The following PRTFDC1 variants were observed in gnomAD, a reference collection of about 807,000 sequenced individuals.
The protein encoded by PRTFDC1 is phosphoribosyltransferase domain-containing protein 1.
In PRTFDC1, 38 loss-of-function variants were observed where a neutral mutation model predicts 34.6. That is an observed-to-expected ratio of 1.10 (90% CI 0.85 to 1.44). The LOEUF (loss-of-function observed/expected upper bound fraction) is 1.44, where lower values mean the gene tolerates loss of function less well. Ranked by LOEUF, PRTFDC1 falls within the 40% of genes most tolerant of loss-of-function variation. PRTFDC1 has a pLI of 0.00. For missense variants in PRTFDC1, 270 were observed against 283.0 expected, an observed-to-expected ratio of 0.95 and a Z score of 0.33; for synonymous variants, 93 against 98.1, an observed-to-expected ratio of 0.95 and a Z score of 0.31.
intron 3 of PRTFDC1, among the ~76,000 whole-genome samples, chr10:24,923,924 C>T (rs1310829649): frequency 1.3e-5 from 2 of 152,138 alleles, no homozygotes; most frequent in Non-Finnish European, 1.5e-5. Flanking sequence ...AGATAAATGG[C>T]TAACTAGAAT....
intron 7 of PRTFDC1, among the ~76,000 whole-genome samples, chr10:24,853,108 GA>G (rs1373203955): frequency 6.6e-6 from 1 of 152,042 alleles, no homozygotes; most frequent in Non-Finnish European, 1.5e-5. Context: ...GAGGAGAAAA[GA>G]AAGAATCAAT....
chr10:24,880,813 C>CTTTCTTTCTTTCTTTCTT lies in PRTFDC1; in HGVS notation c.340-8751_340-8750insAAGAAAGAAAGAAAGAAA, dbSNP rs763527548. Among the ~76,000 whole-genome samples, 4 of 115,016 alleles carry CTTTCTTTCTTTCTTTCTT rather than the reference C, an allele frequency of 3.5e-5. No homozygotes were observed. The Admixed American group carries it at 3.7e-4, about 11-fold the overall frequency. 75.5% of individuals were successfully genotyped at this position (115,016 alleles called of 152,430 possible). ...TCCATCATTCCACTTTACTGTCTTT[C>CTTTCTTTCTTTCTTTCTT]TCTTTCTTTCTTTCTTTCTTTCTTT... On this transcript the variant is annotated intron_variant, in intron 3 of 8. Coordinates refer to ENST00000320152, the MANE Select transcript of PRTFDC1 (RefSeq NM_020200.7).
At chr10:24,899,598 G>A (rs1848419618) in intron 3 of PRTFDC1, among the ~76,000 whole-genome samples, 1 of 152,140 alleles carries the variant, frequency 6.6e-6, no homozygotes, top group Non-Finnish European at 1.5e-5. Flanking sequence ...AGCATTTCTA[G>A]AGCATACTGA....
chr10:24,898,993 A>T (rs1266316572), intron 3 of PRTFDC1, among the ~76,000 whole-genome samples: 1 of 152,102 alleles, frequency 6.6e-6, no homozygotes, highest in Admixed American at 6.5e-5. Flanking sequence ...CCTCACCAGA[A>T]CCCAGCCATG....
At chr10:24,895,687 GGA>G (rs1491453696) in intron 3 of PRTFDC1, among the ~76,000 whole-genome samples, 1 of 30,834 alleles carries the variant, frequency 3.2e-5, no homozygotes, top group African/African-American at 1.2e-4. Context: ...GAGCTGGGGT[GGA>G]TATATATATA....
intron 3 of PRTFDC1, among the ~76,000 whole-genome samples, chr10:24,904,481 G>C (rs1194344495): frequency 6.6e-6 from 1 of 152,118 alleles, no homozygotes; most frequent in Non-Finnish European, 1.5e-5. Context: ...GCAAGTCTTC[G>C]AGTAGGTGTG....
chr10:24,856,756 G>T (rs1327214580), intron 6 of PRTFDC1, among the ~76,000 whole-genome samples, 157 bp downstream of exon 6: 1 of 152,158 alleles, frequency 6.6e-6, no homozygotes, highest in Non-Finnish European at 1.5e-5. Context: ...TAGCAGTCAA[G>T]GGCTGTTTTT....
At chr10:24,850,139 T>C (rs1475529139) in intron 8 of PRTFDC1, among the ~76,000 whole-genome samples, 2 of 152,120 alleles carry the variant, frequency 1.3e-5, no homozygotes, top group African/African-American at 2.4e-5. Flanking sequence ...AACCCAGAAA[T>C]GCTGAGGGAG....
intron 3 of PRTFDC1, among the ~76,000 whole-genome samples, chr10:24,896,382 T>C (rs1590562): frequency 0.1 from 15,697 of 152,204 alleles, 1,111 homozygotes; most frequent in East Asian, 0.29. Flanking sequence ...AACCCTTCCC[T>C]AGTCCATGGA....
intron 3 of PRTFDC1, among the ~76,000 whole-genome samples, chr10:24,895,687 G>GTATA (rs1565269461): frequency 3.1e-3 from 94 of 30,816 alleles, no homozygotes; most frequent in African/African-American, 9.6e-3. Flanking sequence ...GAGCTGGGGT[G>GTATA]GATATATATA....
intron 3 of PRTFDC1, among the ~76,000 whole-genome samples, chr10:24,899,558 C>T (rs1465315566): frequency 1.3e-5 from 2 of 152,114 alleles, no homozygotes; most frequent in African/African-American, 2.4e-5. Flanking sequence ...TGGGAAATAA[C>T]AATTTACCCA....
chr10:24,937,242 C>T lies in PRTFDC1; in HGVS notation c.281G>A (p.Arg94Gln), dbSNP rs376854848. ...DLVEHLKNIS[R>Q]NSDRFVSMKV... ...CATTGAGACAAATCGATCTGAATTT[C>T]GGCTGATGTTCTTAAGGTGTTCTAC... Residue 94 changes from arginine to glutamine, a missense_variant, in exon 3 of 9, where the codon CGA becomes CAA. Physicochemically the swap from Arg to Gln is conservative, Grantham distance 43. Coordinates refer to ENST00000320152, the MANE Select transcript of PRTFDC1 (RefSeq NM_020200.7). The T allele has an allele frequency of 1.0e-4, 169 of 1,613,764 alleles. No homozygotes were observed. Among genetic ancestry groups the T allele is most frequent in the Admixed American group, 4.8e-4 (29 of 59,976 alleles).
Position 24,858,304 on chromosome 10 carries a change from T to C in PRTFDC1, c.423+88A>G, listed in dbSNP as rs1180413014. On this transcript the variant is annotated intron_variant, in intron 5 of 8. Transcript: ENST00000320152. ...ACCCAGTGGGAGCTCAAGAAATCCT[T>C]GGTCAATTTGATAACAAGGTTTACC... is the stretch of plus-strand genomic sequence containing the variant. The C allele has an allele frequency of 3.4e-6, 5 of 1,455,872 alleles. No homozygotes were observed. The South Asian group carries it at 4.7e-5, about 14-fold the overall frequency. The allele number at this position is 1,455,872 out of a possible 1,614,324, so 90.2% of individuals were successfully genotyped here.
intron 3 of PRTFDC1, among the ~76,000 whole-genome samples, chr10:24,874,812 A>G (rs1847934497): frequency 6.6e-6 from 1 of 152,168 alleles, no homozygotes; most frequent in Non-Finnish European, 1.5e-5. Flanking sequence ...CTCATCTTGA[A>G]CTGTAGTTCT....
chr10:24,948,045 A>G (rs1307521134), intron 1 of PRTFDC1, among the ~76,000 whole-genome samples: 1 of 152,194 alleles, frequency 6.6e-6, no homozygotes, highest in Non-Finnish European at 1.5e-5. Flanking sequence ...TTTGCCCCAC[A>G]GAAGGAAAAC....
At chr10:24,865,767 A>G (rs1408133869) in intron 4 of PRTFDC1, among the ~76,000 whole-genome samples, 1 of 152,248 alleles carries the variant, frequency 6.6e-6, no homozygotes, top group African/African-American at 2.4e-5. Flanking sequence ...TCTCATCTGC[A>G]GCAGTGTAGT....
chr10:24,896,892 T>C (rs907118744), intron 3 of PRTFDC1, among the ~76,000 whole-genome samples: 2 of 152,174 alleles, frequency 1.3e-5, no homozygotes, highest in East Asian at 1.9e-4. Context: ...CTGGACAACA[T>C]AGCAAGACCC....
intron 1 of PRTFDC1, among the ~76,000 whole-genome samples, chr10:24,949,388 C>T (rs931918028): frequency 6.6e-6 from 1 of 152,068 alleles, no homozygotes; most frequent in African/African-American, 2.4e-5. Context: ...CAGCCACCTG[C>T]CCCTTTTTAA....
At chr10:24,909,809 C>A (rs1448833455) in intron 3 of PRTFDC1, among the ~76,000 whole-genome samples, 1 of 152,048 alleles carries the variant, frequency 6.6e-6, no homozygotes, top group African/African-American at 2.4e-5. Context: ...CAGTGTAGAG[C>A]CTTTCTCAAT....
Sources: gnomAD v4.1 joint callset for allele counts (sites outside exome capture counted in the v4.1 genomes callset) on GRCh38, gnomAD v4.1.1 for gene constraint, MANE v1.5 for transcripts, NCBI Gene and HGNC (gene_info 2026-07-23, HGNC 2026-07-21) for gene names.